The following LRRC4C variants were observed in gnomAD, a reference collection of about 807,000 sequenced individuals.
The protein encoded by LRRC4C is leucine rich repeat containing 4C, also known as leucine-rich repeat-containing protein 4C.
In LRRC4C, 5 loss-of-function variants were observed where a neutral mutation model predicts 33.6. The ratio of observed to expected loss-of-function variants is 0.15; its 90% CI spans 0.08 to 0.31. LRRC4C has a LOEUF of 0.31. Among genes scored for constraint, LRRC4C ranks in the 10% least tolerant of loss-of-function variants. The probability of loss-of-function intolerance (pLI) is 1.00; values close to 1 mark genes in which losing one functional copy is unlikely to be tolerated. For missense variants in LRRC4C, 560 were observed against 796.7 expected (o/e 0.70, Z 3.58); for synonymous variants, 329 against 302.0 (o/e 1.09, Z -0.93).
intron 3 of LRRC4C, among the ~76,000 whole-genome samples, chr11:40,622,854 T>G (rs2135961816): frequency 6.6e-6 from 1 of 151,942 alleles, no homozygotes; most frequent in African/African-American, 2.4e-5. Flanking sequence ...ATCTTAACAG[T>G]GACTATTTTT....
intron 3 of LRRC4C, among the ~76,000 whole-genome samples, chr11:40,643,328 G>A (rs1480365225): frequency 2.6e-5 from 4 of 152,022 alleles, no homozygotes; most frequent in Non-Finnish European, 5.9e-5. Flanking sequence ...TCCTCACCTA[G>A]GCCATCAATG....
At chr11:40,966,630 G>A (rs1851384848) in intron 1 of LRRC4C, among the ~76,000 whole-genome samples, 1 of 151,936 alleles carries the variant, frequency 6.6e-6, no homozygotes, top group Non-Finnish European at 1.5e-5. Context: ...CTTGATGGAA[G>A]ATACTGGACC....
intron 2 of LRRC4C, among the ~76,000 whole-genome samples, chr11:40,720,851 C>T (rs375045088): frequency 2.0e-5 from 3 of 152,112 alleles, no homozygotes; most frequent in African/African-American, 7.2e-5. Context: ...AGTATAATCA[C>T]GTTTTCAGAG....
In LRRC4C at chr11:40,414,959, T is replaced by C. The variant is rs551964709; in HGVS notation, c.-269-95238A>G. Among the ~76,000 whole-genome samples the C allele has an allele frequency of 2.9e-4, 44 of 152,286 alleles. 1 individual carries two copies. The South Asian group carries it at 9.1e-3, about 32-fold the overall frequency. On this transcript the variant is annotated intron_variant, in intron 3 of 6. Coordinates refer to ENST00000528697, the MANE Select transcript of LRRC4C (RefSeq NM_001258419.2). ...GGAAACTACTTACAAATTCTAATTA[T>C]ACACATAAATATTAACTCCCATCAT... is the stretch of plus-strand genomic sequence containing the variant.
chr11:41,082,570 A>C (rs890521644), intron 1 of LRRC4C, among the ~76,000 whole-genome samples: 2 of 152,164 alleles, frequency 1.3e-5, no homozygotes, highest in African/African-American at 4.8e-5. Context: ...AATAATAAAA[A>C]AGAGGATTAT....
At chr11:40,561,513 C>T (rs548662774) in intron 3 of LRRC4C, among the ~76,000 whole-genome samples, 7 of 148,794 alleles carry the variant, frequency 4.7e-5, no homozygotes, top group African/African-American at 7.4e-5. Flanking sequence ...CCCAGGTTCA[C>T]GCTATTCTCC....
At chr11:40,296,393 C>T (rs1944513913) in intron 4 of LRRC4C, among the ~76,000 whole-genome samples, 1 of 152,122 alleles carries the variant, frequency 6.6e-6, no homozygotes, top group Admixed American at 6.6e-5. Flanking sequence ...AAACAACACC[C>T]TGAGAGATTT....
At chr11:40,615,857 A>G (rs975030625) in intron 3 of LRRC4C, among the ~76,000 whole-genome samples, 1 of 151,816 alleles carries the variant, frequency 6.6e-6, no homozygotes, top group Non-Finnish European at 1.5e-5. Context: ...AATGTTGGGC[A>G]CATAGGTGTT....
chr11:40,671,569 C>G (rs981040940), intron 2 of LRRC4C, among the ~76,000 whole-genome samples: 1 of 151,836 alleles, frequency 6.6e-6, no homozygotes, highest in Non-Finnish European at 1.5e-5. Flanking sequence ...GCCTAAGGAT[C>G]TTTGCAATTC....
chr11:40,314,369 A>T (rs551758021), intron 4 of LRRC4C, among the ~76,000 whole-genome samples: 29 of 152,216 alleles, frequency 1.9e-4, no homozygotes, highest in Admixed American at 5.2e-4. Flanking sequence ...CCCAGTTAGG[A>T]TGGCTATTAT....
At chr11:40,477,748 A>T (rs1264113574) in intron 3 of LRRC4C, among the ~76,000 whole-genome samples, 3 of 152,156 alleles carry the variant, frequency 2.0e-5, no homozygotes, top group Non-Finnish European at 4.4e-5. Context: ...TACCTTGGAA[A>T]GAAGAGCAGT....
At chr11:40,310,791 C>T (rs888543133) in intron 4 of LRRC4C, among the ~76,000 whole-genome samples, 1 of 152,088 alleles carries the variant, frequency 6.6e-6, no homozygotes, top group Non-Finnish European at 1.5e-5. Flanking sequence ...TTTAAAAGGA[C>T]TTTGGTTTAC....
chr11:41,368,081 T>G (rs919378792), intron 1 of LRRC4C, among the ~76,000 whole-genome samples: 2 of 152,204 alleles, frequency 1.3e-5, no homozygotes, highest in African/African-American at 4.8e-5. Context: ...GCATTTCATC[T>G]ATTTCTGCTA....
chr11:40,723,301 G>A (rs2136698696), intron 2 of LRRC4C, among the ~76,000 whole-genome samples: 1 of 151,590 alleles, frequency 6.6e-6, no homozygotes, highest in East Asian at 2.0e-4. Flanking sequence ...AGGACACATA[G>A]TCATCCGACT....
chr11:41,398,383 C>T (rs997737176), intron 1 of LRRC4C, among the ~76,000 whole-genome samples: 84 of 152,088 alleles, frequency 5.5e-4, no homozygotes, highest in African/African-American at 1.7e-3. Flanking sequence ...CTCTAGTCTA[C>T]ATGTTTACTA....
chr11:40,658,337 C>T (rs1943240658), intron 2 of LRRC4C, among the ~76,000 whole-genome samples: 1 of 152,162 alleles, frequency 6.6e-6, no homozygotes, highest in South Asian at 2.1e-4. Flanking sequence ...CTAAGGCTCA[C>T]TAATAGTTAG....
intron 3 of LRRC4C, among the ~76,000 whole-genome samples, chr11:40,633,025 T>G (rs1963598300): frequency 6.6e-6 from 1 of 152,226 alleles, no homozygotes; most frequent in Non-Finnish European, 1.5e-5. Flanking sequence ...GGTTTTTTTC[T>G]TAACCATTTT....
At chr11:41,001,713 G>T (rs1221888313) in intron 1 of LRRC4C, among the ~76,000 whole-genome samples, 1 of 152,260 alleles carries the variant, frequency 6.6e-6, no homozygotes, top group Non-Finnish European at 1.5e-5. Context: ...TTCTGGAAAA[G>T]ACCTCGTTTA....
At chr11:40,404,913 T>A (rs1252636475) in intron 3 of LRRC4C, among the ~76,000 whole-genome samples, 1 of 151,996 alleles carries the variant, frequency 6.6e-6, no homozygotes, top group Admixed American at 6.6e-5. Context: ...ATATCCATCA[T>A]CTTAAATAGT....
Sources: gnomAD v4.1 joint callset for allele counts (sites outside exome capture counted in the v4.1 genomes callset) on GRCh38, gnomAD v4.1.1 for gene constraint, MANE v1.5 for transcripts, NCBI Gene and HGNC (gene_info 2026-07-23, HGNC 2026-07-21) for gene names.